Variants in ASB2 observed in about 807,000 individuals in gnomAD.
ASB2 encodes ankyrin repeat and SOCS box containing 2, also known as ankyrin repeat and SOCS box protein 2.
In ASB2, 58 loss-of-function variants were observed where a neutral mutation model predicts 62.4. That is an observed-to-expected ratio of 0.93 (90% confidence interval 0.75 to 1.16). The LOEUF (loss-of-function observed/expected upper bound fraction) is 1.16. Ranked by LOEUF, ASB2 falls within the 50% of genes most tolerant of loss-of-function variation. The pLI, the probability that ASB2 is intolerant of heterozygous loss-of-function variation, is 0.00. For synonymous variants in ASB2, 386 were observed against 385.3 expected, an observed-to-expected ratio of 1.00 and a Z score of -0.02; for missense variants, 928 against 887.9, an observed-to-expected ratio of 1.05 and a Z score of -0.57.
Position 93,970,461 on chromosome 14 carries a change from G to C in ASB2, c.-73-5849C>G, listed in dbSNP as rs755600423. On this transcript the variant is annotated intron_variant, in intron 1 of 9. Transcript: ENST00000555019. ...CCTCCCTGATGGCTGAGAGTCCTCTGCTGCCTCCAAGGGCCCCCTTCACAT... is the reference window on the plus strand; with the variant it reads ...CCTCCCTGATGGCTGAGAGTCCTCTCCTGCCTCCAAGGGCCCCCTTCACAT... 1.1e-4 allele frequency among the ~76,000 whole-genome samples: 16 copies of C among 152,222 alleles called. No homozygotes were observed. In the South Asian group the frequency reaches 2.1e-3, roughly 20 times the overall value.
chr14:93,956,254 T>C (rs1889197253), intron 3 of ASB2, among the ~76,000 whole-genome samples: 1 of 152,162 alleles, frequency 6.6e-6, no homozygotes, highest in African/African-American at 2.4e-5. Flanking sequence ...TTTCTGGATT[T>C]TAGCACCTGG....
chr14:93,947,945 G>A (rs932755722), intron 6 of ASB2, among the ~76,000 whole-genome samples: 1 of 131,520 alleles, frequency 7.6e-6, no homozygotes, highest in African/African-American at 2.8e-5. Context: ...AGTGAGCCGA[G>A]ACTGCACCAT....
chr14:93,938,430 CG>C lies in ASB2; in HGVS notation c.1618-580del, dbSNP rs542204950. On this transcript the variant is annotated intron_variant, in intron 8 of 9. Coordinates refer to ENST00000555019, the MANE Select transcript of ASB2 (RefSeq NM_001202429.2). ...AATTTTTTTGTATTTTTAGTTAAGA[CG>C]GGGTTTCACCGTGTTAGCCAGGATG... is the stretch of plus-strand genomic sequence containing the variant. Among the ~76,000 whole-genome samples, 285 of 152,036 alleles carry C rather than the reference CG, an allele frequency of 1.9e-3. 2 individuals are homozygous for C. The highest frequency in any genetic ancestry group is 2.1e-3 in the Non-Finnish European group (145 of 67,974).
At chr14:93,952,951 C>CT (rs1327730524) in intron 5 of ASB2, among the ~76,000 whole-genome samples, 1 of 152,248 alleles carries the variant, frequency 6.6e-6, no homozygotes, top group African/African-American at 2.4e-5. Flanking sequence ...ATGCCTTTGC[C>CT]TGTGCGGTTC....
Position 93,934,704 on chromosome 14 carries a change from C to A in ASB2, c.1860G>T (p.Pro620=), listed in dbSNP as rs370537668. The change falls in exon 10 of 10, where the codon CCG becomes CCT. Residue 620 remains proline (P), a synonymous_variant. Coordinates refer to ENST00000555019, the MANE Select transcript of ASB2 (RefSeq NM_001202429.2). The part of the protein sequence containing the change: ...KYRIKLLDTL[P]LPGRLIRYLK... ...GGTATCTAATCAGCCTGCCTGGGAG[C>A]GGCAAGGTGTCTAGGAGTTTTATAC... 3 of 1,614,044 alleles carry A rather than the reference C, an allele frequency of 1.9e-6. No individual in the cohort carries two copies. Among genetic ancestry groups the A allele is most frequent in the Non-Finnish European group, 2.5e-6 (3 of 1,179,920 alleles).
rs201411658 is a variant in ASB2, at chr14:93,939,158, T to C, written c.1567A>G (p.Ser523Gly). ...GCCGCGGGCGCGTCGTTGAACCTGC[T>C]GGAGGGCTGCGGGGCCGGCGGGTGC... ...GPHPPAPQPS[S>G]RFNDAPAADK... The change falls in exon 8 of 10, where the codon AGC becomes GGC. Residue 523 changes from serine to glycine, a missense_variant. Transcript: ENST00000555019. 381 of 1,587,654 alleles carry C rather than the reference T, an allele frequency of 2.4e-4. 1 individual carries two copies. The African/African-American group carries it at 4.7e-3, about 19-fold the overall frequency.
chr14:93,949,553 C>A (rs904325133), intron 6 of ASB2, among the ~76,000 whole-genome samples: 1 of 152,188 alleles, frequency 6.6e-6, no homozygotes, highest in Non-Finnish European at 1.5e-5. Flanking sequence ...AGGCCTTCGT[C>A]CTGCCTCCGG....
intron 7 of ASB2, among the ~76,000 whole-genome samples, chr14:93,940,865 T>C (rs3790059): frequency 0.27 from 41,195 of 152,110 alleles, 6,318 homozygotes; most frequent in East Asian, 0.6. Flanking sequence ...ATGTGACTCC[T>C]CCAAGGATAC....
At chr14:93,974,698 T>C (rs920267850) in intron 1 of ASB2, among the ~76,000 whole-genome samples, 1 of 152,190 alleles carries the variant, frequency 6.6e-6, no homozygotes, top group African/African-American at 2.4e-5. Context: ...CTTGCAGCCG[T>C]CCAGCCTTAA....
chr14:93,958,298 A>G (rs1439203480), intron 2 of ASB2, among the ~76,000 whole-genome samples: 1 of 152,196 alleles, frequency 6.6e-6, no homozygotes, highest in Admixed American at 6.5e-5. Context: ...TGCCTTTTAC[A>G]GATGAGGACA....
At chr14:93,950,441 T>G (rs1219526448) in intron 6 of ASB2, among the ~76,000 whole-genome samples, 1 of 152,226 alleles carries the variant, frequency 6.6e-6, no homozygotes, top group Admixed American at 6.5e-5. Flanking sequence ...GGCAAAGAGC[T>G]GGGTTCAAGT....
intron 2 of ASB2, among the ~76,000 whole-genome samples, chr14:93,961,329 A>C (rs942159458): frequency 6.6e-5 from 10 of 152,214 alleles, no homozygotes; most frequent in African/African-American, 2.4e-4. Context: ...GAAGAATTTG[A>C]ATCTCTAGAC....
intron 7 of ASB2, among the ~76,000 whole-genome samples, chr14:93,943,204 T>A (rs938648662): frequency 6.6e-6 from 1 of 152,208 alleles, no homozygotes; most frequent in Non-Finnish European, 1.5e-5. Context: ...TGAATCTGAT[T>A]GGCCCGTAGT....
Position 93,937,619 on chromosome 14 carries a change from C to G in ASB2, c.1771+79G>C. ...CAGCAGGTGCTCACAGGGTTAGGAA[C>G]AGTCGCACTCCCTGAGGCCTGGGAC... is the stretch of plus-strand genomic sequence containing the variant. On this transcript the variant is annotated intron_variant, in intron 9 of 9. Transcript: ENST00000555019. 2 of 1,425,634 alleles carry G rather than the reference C, an allele frequency of 1.4e-6. 1 individual carries two copies. The allele number at this position is 1,425,634 out of a possible 1,614,324, so 88.3% of individuals were successfully genotyped here.
chr14:93,948,095 G>GCAT (rs1207534914), intron 6 of ASB2: 1 of 153,182 alleles, frequency 6.5e-6, no homozygotes, highest in Non-Finnish European at 1.5e-5. Flanking sequence ...TTTTTCCTGA[G>GCAT]CACCTACTAC....
chr14:93,945,793 T>G (rs1190146261), intron 7 of ASB2, among the ~76,000 whole-genome samples: 1 of 152,172 alleles, frequency 6.6e-6, no homozygotes, highest in Non-Finnish European at 1.5e-5. Flanking sequence ...GCCTTGAGTC[T>G]TCATTTCAGT....
chr14:93,940,097 T>A (rs1888460642), intron 7 of ASB2: 1 of 165,972 alleles, frequency 6.0e-6, no homozygotes, highest in South Asian at 2.0e-4. Context: ...TTTGGAGGAA[T>A]TGCCTGGAAG....
intron 1 of ASB2, among the ~76,000 whole-genome samples, chr14:93,972,857 C>G (rs1267050693): frequency 6.6e-6 from 1 of 152,234 alleles, no homozygotes; most frequent in African/African-American, 2.4e-5. Flanking sequence ...GGCCTCACAG[C>G]TGCTAGGAGT....
chr14:93,950,279 G>T (rs1888904272), intron 6 of ASB2, among the ~76,000 whole-genome samples: 1 of 152,192 alleles, frequency 6.6e-6, no homozygotes, highest in South Asian at 2.1e-4. Flanking sequence ...AGAGAGAAAA[G>T]AAATCAAAGG....
Sources: allele counts gnomAD v4.1 joint callset (sites outside exome capture counted in the v4.1 genomes callset), GRCh38; gene constraint gnomAD v4.1.1; transcripts MANE v1.5; gene names NCBI Gene and HGNC (gene_info 2026-07-23, HGNC 2026-07-21).